MAP3K12: variants seen among roughly 807,000 people sequenced by gnomAD.
MAP3K12 encodes the protein MAPK-upstream kinase.
Under a neutral mutation model 87.5 loss-of-function variants are expected in MAP3K12, and 14 were observed. That is an observed-to-expected ratio of 0.16 (90% confidence interval 0.11 to 0.25). MAP3K12 has a LOEUF of 0.25. Ranked by LOEUF, MAP3K12 falls within the 10% of genes least tolerant of loss-of-function variation. The probability of loss-of-function intolerance (pLI) is 1.00; values close to 1 mark genes in which losing one functional copy is unlikely to be tolerated. For synonymous variants in MAP3K12, 469 were observed against 452.5 expected, an observed-to-expected ratio of 1.04 and a Z score of -0.46; for missense variants, 802 against 1,140.4, an observed-to-expected ratio of 0.70 and a Z score of 4.27.
intron 1 of MAP3K12, among the ~76,000 whole-genome samples, chr12:53,489,001 A>C (rs1943325325): frequency 7.0e-6 from 1 of 143,520 alleles, no homozygotes; most frequent in African/African-American, 2.6e-5. Context: ...AATCACTTGA[A>C]CCCCAGAGGT....
In MAP3K12 at chr12:53,486,314, CCCCATTCCCA is replaced by C; in HGVS notation, c.630-77_630-68del. On this transcript the variant is annotated intron_variant, in intron 3 of 13. Coordinates refer to ENST00000547488, the MANE Select transcript of MAP3K12 (RefSeq NM_001193511.2). This position sits in a 1 kb window ranked among gnomAD's most constrained non-coding sequence, Gnocchi z 4.9. ...CATTCACCTGATTCATACCTGGAAC[CCCCATTCCCA>C]CCCATTCCACCTATGGATCTCCTCT... 1 of 1,551,864 alleles carries C rather than the reference CCCCATTCCCA, an allele frequency of 6.4e-7. No homozygotes were observed. The highest frequency in any genetic ancestry group is 1.8e-5 in the Admixed American group (1 of 54,788).
chr12:53,492,491 C>T lies in MAP3K12; in HGVS notation c.-37-5063G>A, dbSNP rs1325557115. Reference sequence around the variant, plus strand: ...CGCAAACACACACACAAAACTAGCTCCCTGAATCCTCAGAAGAGCCAGGTG... The same window carrying T: ...CGCAAACACACACACAAAACTAGCTTCCTGAATCCTCAGAAGAGCCAGGTG... On this transcript the variant is annotated intron_variant, in intron 1 of 13. Transcript: ENST00000547488. 4.6e-5 allele frequency among the ~76,000 whole-genome samples: 7 copies of T among 152,084 alleles called. No homozygotes were observed. The South Asian group carries it at 1.5e-3, about 32-fold the overall frequency.
upstream of MAP3K12, chr12:53,500,632 G>C (rs1943662347): frequency 1.3e-5 from 2 of 152,454 alleles, no homozygotes; most frequent in Admixed American, 6.5e-5. Context: ...GACTGTCTGA[G>C]ACGGACTTAA....
Position 53,483,602 on chromosome 12 carries a change from G to A in MAP3K12, c.1475+5C>T, listed in dbSNP as rs1943139752. The A allele has an allele frequency of 6.2e-7, 1 of 1,613,892 alleles. No homozygotes were observed. Among genetic ancestry groups the A allele is most frequent in the South Asian group, 1.1e-5 (1 of 91,080 alleles). On this transcript the variant is annotated splice_donor_5th_base_variant and intron_variant, in intron 9 of 13. Coordinates refer to ENST00000547488, the MANE Select transcript of MAP3K12 (RefSeq NM_001193511.2). The stretch of plus-strand genomic sequence containing the variant: ...GGCTTGGTGCATAAGGACAGGTAGG[G>A]TTACCTGAGCAGCTCCCTCTCCTTG...
intron 1 of MAP3K12, among the ~76,000 whole-genome samples, chr12:53,495,264 AG>A (rs904593430): frequency 1.6e-5 from 2 of 128,760 alleles, no homozygotes; most frequent in African/African-American, 5.7e-5. Context: ...GCGTGAACCC[AG>A]GGGGCGGAGC....
intron 1 of MAP3K12, among the ~76,000 whole-genome samples, chr12:53,489,507 G>A (rs1016616896): frequency 2.0e-5 from 3 of 152,138 alleles, no homozygotes; most frequent in Admixed American, 6.5e-5. Flanking sequence ...CGCCATGCTG[G>A]TCTCCCAACT....
chr12:53,489,730 G>A (rs1367233080), intron 1 of MAP3K12, among the ~76,000 whole-genome samples: 1 of 152,190 alleles, frequency 6.6e-6, no homozygotes, highest in East Asian at 1.9e-4. Context: ...AGGCACACAA[G>A]GAGGCTTGGG....
chr12:53,483,222 T>A, intron 10 of MAP3K12, 33 bp from the exon 11 acceptor site: 2 of 1,534,610 alleles, frequency 1.3e-6, no homozygotes, highest in Non-Finnish European at 1.7e-6. Context: ...AGGTTAAGAC[T>A]GCCAAATCTA....
In MAP3K12 at chr12:53,483,392, T is replaced by G. The variant is rs745665720; in HGVS notation, c.1570A>C (p.Lys524Gln). 1 of 1,614,166 alleles carries G rather than the reference T, an allele frequency of 6.2e-7. No individual in the cohort carries two copies. The highest frequency in any genetic ancestry group is 1.3e-5 in the African/African-American group (1 of 75,046). ...AGCTTCTGTGGCACATTCCTCTTCT[T>G]GATAAGCTTCTCCATTGTGTTTCCA... ...LHGNTMEKLI[K>Q]KRNVPQKLSP... Residue 524 changes from lysine (K) to glutamine (Q), a missense_variant, in exon 10 of 14, where the codon AAG becomes CAG. Coordinates refer to ENST00000547488, the MANE Select transcript of MAP3K12 (RefSeq NM_001193511.2).
chr12:53,488,996 C>T (rs1943325185), intron 1 of MAP3K12, among the ~76,000 whole-genome samples: 1 of 149,314 alleles, frequency 6.7e-6, no homozygotes, highest in Non-Finnish European at 1.5e-5. Context: ...AGGAGAATCA[C>T]TTGAACCCCA....
intron 1 of MAP3K12, among the ~76,000 whole-genome samples, chr12:53,491,301 A>AAAAAAAAAAAAG (rs796169121): frequency 0.24 from 23,157 of 97,086 alleles, 5,864 homozygotes; most frequent in Non-Finnish European, 0.34. Flanking sequence ...AAAAAAAAAA[A>AAAAAAAAAAAAG]AAAAGAAAAG....
At chr12:53,495,119 C>T (rs1339000523) in intron 1 of MAP3K12, among the ~76,000 whole-genome samples, 1 of 151,982 alleles carries the variant, frequency 6.6e-6, no homozygotes, top group Non-Finnish European at 1.5e-5. Context: ...GCGGGCGGAT[C>T]ATGAGGTCAG....
At chr12:53,485,030 A>G (rs771432583) in intron 6 of MAP3K12, 26 bp downstream of exon 6, 3 of 1,613,802 alleles carry the variant, frequency 1.9e-6, no homozygotes, top group Admixed American at 1.7e-5. Flanking sequence ...CTCCAGGCCC[A>G]GTATCCCAGC....
intron 1 of MAP3K12, among the ~76,000 whole-genome samples, chr12:53,488,652 ACT>A (rs1943310295): frequency 6.6e-6 from 1 of 151,654 alleles, no homozygotes; most frequent in African/African-American, 2.4e-5. Context: ...CAAGAGCGAA[ACT>A]CTGTCTAAAA....
chr12:53,481,207 C>A lies in MAP3K12; in HGVS notation c.2654G>T (p.Arg885Leu). The change falls in exon 14 of 14, where the codon CGG becomes CTG. Residue 885 changes from arginine (R) to leucine (L), a missense_variant. This residue lies in a region of MAP3K12 where 490 missense variants were observed against 496.6 expected (regional missense o/e 0.99). Transcript: ENST00000547488. ...LDNSNSVDALRPPASLPP is the reference protein window; with the variant it reads ...LDNSNSVDALLPPASLPP ...TCATGGAGGGAGGGAAGCTGGGGGCCGCAAGGCATCAACGCTGTTGGAGTT... is the reference window on the plus strand; with the variant it reads ...TCATGGAGGGAGGGAAGCTGGGGGCAGCAAGGCATCAACGCTGTTGGAGTT... 1 of 1,533,040 alleles carries A rather than the reference C, an allele frequency of 6.5e-7. No homozygotes were observed. Among genetic ancestry groups the A allele is most frequent in the South Asian group, 1.3e-5 (1 of 79,868 alleles). The allele number at this position is 1,533,040 out of a possible 1,614,324, so 95.0% of individuals were successfully genotyped here.
chr12:53,501,355 T>C (rs372620817), upstream of MAP3K12: 18 of 1,545,570 alleles, frequency 1.2e-5, no homozygotes, highest in Middle Eastern at 1.7e-4. Flanking sequence ...CGGCTGTGTA[T>C]TGGGGCGCGT....
chr12:53,494,453 T>A (rs890849885), intron 1 of MAP3K12, among the ~76,000 whole-genome samples: 1 of 152,228 alleles, frequency 6.6e-6, no homozygotes, highest in African/African-American at 2.4e-5. Context: ...ATAAGGAGGC[T>A]ACAGGGTAGA....
chr12:53,486,391 G>A lies in MAP3K12; in HGVS notation c.629+48C>T, dbSNP rs1480428559. The A allele has an allele frequency of 6.2e-7, 1 of 1,602,088 alleles. No homozygotes were observed. Among genetic ancestry groups the A allele is most frequent in the South Asian group, 1.1e-5 (1 of 89,198 alleles). ...GGTCCCACTGCCCAGGAGGGTACCA[G>A]GCCTTAGCATAGTATCCCCAACACC... On this transcript the variant is annotated intron_variant, in intron 3 of 13. Transcript: ENST00000547488. This position sits in a 1 kb window ranked among gnomAD's most constrained non-coding sequence, Gnocchi z 4.9.
chr12:53,497,477 C>CA (rs1491549599), intron 1 of MAP3K12, among the ~76,000 whole-genome samples: 2 of 152,182 alleles, frequency 1.3e-5, no homozygotes, highest in African/African-American at 4.8e-5. Context: ...TGGTCACTGT[C>CA]ACAGTCTCCT....
Sources: gnomAD v4.1 joint callset for allele counts (sites outside exome capture counted in the v4.1 genomes callset) on GRCh38, gnomAD v4.1.1 for gene constraint, gnomAD v4.1.1 regional missense constraint, Gnocchi (gnomAD v3.1) non-coding constraint, MANE v1.5 for transcripts, NCBI Gene and HGNC (gene_info 2026-07-23, HGNC 2026-07-21) for gene names.